Variants in BCAT1 observed in about 807,000 individuals in gnomAD.
BCAT1 encodes branched chain amino acid transaminase 1, also known as branched-chain-amino-acid aminotransferase, cytosolic.
In BCAT1, 48 loss-of-function variants were observed where a neutral mutation model predicts 52.4. The ratio of observed to expected loss-of-function variants is 0.92; its 90% CI spans 0.73 to 1.16. The LOEUF (loss-of-function observed/expected upper bound fraction) is 1.16, where lower values mean the gene tolerates loss of function less well. Among genes scored for constraint, BCAT1 ranks in the 50% most tolerant of loss-of-function variants. The pLI, the probability that BCAT1 is intolerant of heterozygous loss-of-function variation, is 0.00. For missense variants in BCAT1, 451 were observed against 457.1 expected, an observed-to-expected ratio of 0.99 and a Z score of 0.12; for synonymous variants, 167 against 161.3, an observed-to-expected ratio of 1.04 and a Z score of -0.27.
intron 3 of BCAT1, among the ~76,000 whole-genome samples, chr12:24,889,506 A>T (rs1344500623): frequency 6.6e-6 from 1 of 152,244 alleles, no homozygotes; most frequent in Non-Finnish European, 1.5e-5. Flanking sequence ...GAACTTGGAC[A>T]GGCCTTTGTA....
chr12:24,949,269 C>T, upstream of BCAT1: 1 of 423,396 alleles, frequency 2.4e-6, no homozygotes, highest in Non-Finnish European at 4.2e-6. Flanking sequence ...TCCCGGGGTG[C>T]AGGGCAGAGG....
intron 1 of BCAT1, chr12:24,945,966 C>T (rs1391536217): frequency 6.6e-6 from 1 of 152,240 alleles, no homozygotes; most frequent in Non-Finnish European, 1.5e-5. Flanking sequence ...GATCATGCCA[C>T]TGGGTTTCCC....
intron 1 of BCAT1, among the ~76,000 whole-genome samples, chr12:24,913,856 A>G (rs1943365836): frequency 6.6e-6 from 1 of 152,136 alleles, no homozygotes; most frequent in Non-Finnish European, 1.5e-5. Flanking sequence ...AGTGAGTCAG[A>G]TAATTTCTTT....
Position 24,948,934 on chromosome 12 carries a change from G to A in BCAT1, c.-2C>T. Reference sequence around the variant, plus strand: ...AAAACCATAAGTAGTTACCTTCATTGTTCCGTCGGCCACGAGGGAAGCTCG... The same window carrying A: ...AAAACCATAAGTAGTTACCTTCATTATTCCGTCGGCCACGAGGGAAGCTCG... On this transcript the variant is annotated 5_prime_UTR_variant, in exon 1 of 11. Coordinates refer to ENST00000261192, the MANE Select transcript of BCAT1 (RefSeq NM_005504.7). The A allele has an allele frequency of 6.3e-7, 1 of 1,596,904 alleles. No individual in the cohort carries two copies. Among genetic ancestry groups the A allele is most frequent in the South Asian group, 1.1e-5 (1 of 87,608 alleles).
intron 1 of BCAT1, among the ~76,000 whole-genome samples, chr12:24,923,074 T>A (rs966206773): frequency 6.6e-6 from 1 of 152,040 alleles, no homozygotes; most frequent in African/African-American, 2.4e-5. Context: ...GTGCCCAAGG[T>A]TTTTATGTGG....
chr12:24,816,551 C>T lies in BCAT1; in HGVS notation c.*1457G>A, dbSNP rs1939883160. ...TCAAAGAAAAGAGCACCTGCAAAAA[C>T]AGAGTATAAAAATCAGAGTATGCCT... On this transcript the variant is annotated 3_prime_UTR_variant, in exon 11 of 11. Transcript: ENST00000261192. 5 of 381,720 alleles carry T rather than the reference C, an allele frequency of 1.3e-5. No individual in the cohort carries two copies. The highest frequency in any genetic ancestry group is 2.3e-5 in the Non-Finnish European group (5 of 220,882). The allele number at this position is 381,720 out of a possible 1,614,324, so 23.6% of individuals were successfully genotyped here.
chr12:24,915,581 G>A (rs993838026), intron 1 of BCAT1, among the ~76,000 whole-genome samples: 9 of 152,002 alleles, frequency 5.9e-5, no homozygotes, highest in East Asian at 1.9e-4. Flanking sequence ...TTGCTCTACC[G>A]TGAAGCTACA....
upstream of BCAT1, chr12:24,949,142 T>C (rs138840124): frequency 1.0e-5 from 6 of 587,234 alleles, no homozygotes; most frequent in East Asian, 5.7e-5. Context: ...ACCTAGCGGA[T>C]TGCATCAGCA....
In BCAT1 at chr12:24,816,463, A is replaced by G. The variant is rs1453035827; in HGVS notation, c.*1545T>C. 1.0e-5 allele frequency: 4 copies of G among 397,884 alleles called. No homozygotes were observed. The highest frequency in any genetic ancestry group is 1.8e-5 in the Non-Finnish European group (4 of 225,682). 24.6% of individuals were successfully genotyped at this position (397,884 alleles called of 1,614,324 possible). On this transcript the variant is annotated 3_prime_UTR_variant, in exon 11 of 11. Coordinates refer to ENST00000261192, the MANE Select transcript of BCAT1 (RefSeq NM_005504.7). ...CAATTTTAACTCACAGCTCCTAAAC[A>G]AGGAAAATATCACCCATAGTAGCTC...
intron 1 of BCAT1, among the ~76,000 whole-genome samples, chr12:24,922,634 A>G (rs1450817251): frequency 6.6e-6 from 1 of 152,158 alleles, no homozygotes; most frequent in African/African-American, 2.4e-5. Flanking sequence ...GCACTTTGGG[A>G]GGCCGAGGCA....
chr12:24,836,963 A>AG lies in BCAT1; in HGVS notation c.818-368_818-367insC, dbSNP rs201139846. On this transcript the variant is annotated intron_variant, in intron 7 of 10. Transcript: ENST00000261192. ...GAAAGAAAGAAAGAAAGAAAAGAGA[A>AG]AGAAAGAAAGAGAGAGAGGGAGGGA... 6.7e-5 allele frequency among the ~76,000 whole-genome samples: 7 copies of AG among 104,838 alleles called. No homozygotes were observed. In the East Asian group the frequency reaches 1.6e-3, roughly 24 times the overall value. The allele number at this position is 104,838 out of a possible 152,430, so 68.8% of individuals were successfully genotyped here.
At chr12:24,881,438 G>T (rs1310206406) in intron 3 of BCAT1, 27 bp from the exon 4 acceptor site, 1 of 1,490,470 alleles carries the variant, frequency 6.7e-7, no homozygotes. Flanking sequence ...AAAAATCTTA[G>T]AGGGTAACCA....
At chr12:24,881,676 A>T (rs1942501740) in intron 3 of BCAT1, among the ~76,000 whole-genome samples, 1 of 152,212 alleles carries the variant, frequency 6.6e-6, no homozygotes, top group South Asian at 2.1e-4. Flanking sequence ...ACACTGCTGA[A>T]TAACACATTT....
intron 6 of BCAT1, among the ~76,000 whole-genome samples, chr12:24,845,501 C>T (rs1782324479): frequency 6.6e-6 from 1 of 151,836 alleles, no homozygotes; most frequent in African/African-American, 2.4e-5. Context: ...GAGTATAAAC[C>T]AGATTGCAGG....
At chr12:24,924,903 G>T (rs893727950) in intron 1 of BCAT1, among the ~76,000 whole-genome samples, 1 of 152,194 alleles carries the variant, frequency 6.6e-6, no homozygotes, top group African/African-American at 2.4e-5. Flanking sequence ...ATATGATTCA[G>T]TACTTGGGAG....
chr12:24,836,782 A>G (rs1940944362), intron 7 of BCAT1, among the ~76,000 whole-genome samples, 186 bp from the exon 8 acceptor site: 1 of 144,818 alleles, frequency 6.9e-6, no homozygotes, highest in South Asian at 2.2e-4. Context: ...ATTTAAAAAA[A>G]GAAGAAAGAA....
intron 1 of BCAT1, among the ~76,000 whole-genome samples, chr12:24,943,715 T>C (rs890129560): frequency 5.9e-5 from 9 of 152,158 alleles, no homozygotes; most frequent in Non-Finnish European, 7.4e-5. Context: ...CCGGGAGCGG[T>C]GGCTCACGCC....
intron 5 of BCAT1, among the ~76,000 whole-genome samples, chr12:24,876,729 CTCTTA>C (rs1279772480): frequency 6.6e-6 from 1 of 152,122 alleles, no homozygotes; most frequent in Non-Finnish European, 1.5e-5. Flanking sequence ...ACTGCATGTT[CTCTTA>C]TAAGTGGGAG....
chr12:24,933,897 G>A (rs1350738305), intron 1 of BCAT1, among the ~76,000 whole-genome samples: 1 of 152,112 alleles, frequency 6.6e-6, no homozygotes, highest in Non-Finnish European at 1.5e-5. Context: ...AATCAGGTAT[G>A]ATGTTCACAT....
Sources: allele counts gnomAD v4.1 joint callset (sites outside exome capture counted in the v4.1 genomes callset), GRCh38; gene constraint gnomAD v4.1.1; transcripts MANE v1.5; gene names NCBI Gene and HGNC (gene_info 2026-07-23, HGNC 2026-07-21).